Variants in SHROOM4 observed in about 807,000 individuals in gnomAD.
The protein encoded by SHROOM4 is shroom family member 4.
SHROOM4 carries 17 observed loss-of-function variants against 80.3 expected under a neutral mutation model. The ratio of observed to expected loss-of-function variants is 0.21; its 90% CI spans 0.14 to 0.32. SHROOM4 has a LOEUF of 0.32. Among genes scored for constraint, SHROOM4 ranks in the 10% least tolerant of loss-of-function variants. The probability of loss-of-function intolerance (pLI) is 1.00; values close to 1 mark genes in which losing one functional copy is unlikely to be tolerated. For missense variants in SHROOM4, 993 were observed against 1,140.3 expected, an observed-to-expected ratio of 0.87 and a Z score of 1.86; for synonymous variants, 400 against 437.5, an observed-to-expected ratio of 0.91 and a Z score of 1.07.
chrX:50,652,178 A>G (rs1465046377), intron 2 of SHROOM4, among the ~76,000 whole-genome samples: 7 of 111,960 alleles, frequency 6.3e-5, no homozygotes, highest in East Asian at 2.8e-4. Flanking sequence ...ACAATGGTTC[A>G]ACTAATTTAC....
chrX:50,759,100 G>A (rs1487965867), intron 1 of SHROOM4, among the ~76,000 whole-genome samples: 1 of 111,690 alleles, frequency 9.0e-6, no homozygotes, highest in Non-Finnish European at 1.9e-5. Flanking sequence ...TCCAAACTTC[G>A]TAGGTTGAAG....
At chrX:50,813,192 G>GCAGCAGCAA (rs1936385243) in intron 1 of SHROOM4, among the ~76,000 whole-genome samples, 2 of 110,860 alleles carry the variant, frequency 1.8e-5, no homozygotes, top group Non-Finnish European at 3.8e-5. Context: ...GGCGGCAGCG[G>GCAGCAGCAA]CAGCAGCAAC....
chrX:50,798,686 T>C (rs1240285991), intron 1 of SHROOM4, among the ~76,000 whole-genome samples: 1 of 111,509 alleles, frequency 9.0e-6, no homozygotes, highest in Non-Finnish European at 1.9e-5. Context: ...ATAGGAATAC[T>C]ACTACTTAAT....
intron 2 of SHROOM4, among the ~76,000 whole-genome samples, chrX:50,667,328 G>A (rs1232294140): frequency 1.8e-5 from 2 of 111,680 alleles, no homozygotes; most frequent in African/African-American, 6.5e-5. Context: ...GGTACTTAAG[G>A]TTTGCTTCAT....
At chrX:50,576,274 G>A in the SHROOM4 span, among the ~76,000 whole-genome samples, 1 of 111,831 alleles carries the variant, frequency 8.9e-6, no homozygotes, top group Non-Finnish European at 1.9e-5. Flanking sequence ...CAACTGATCT[G>A]GAGAAGGCAT....
chrX:50,760,097 A>C (rs565872756), intron 1 of SHROOM4, among the ~76,000 whole-genome samples: 6 of 110,795 alleles, frequency 5.4e-5, no homozygotes, highest in Non-Finnish European at 1.1e-4. Context: ...GTGTTGTTCA[A>C]GTCCTCTATT....
At chrX:50,614,270 A>T (rs374567742) in intron 5 of SHROOM4, among the ~76,000 whole-genome samples, 1 of 112,603 alleles carries the variant, frequency 8.9e-6, no homozygotes, top group Admixed American at 9.4e-5. Context: ...AAAAGTAATA[A>T]GGGAAAGTTT....
intron 1 of SHROOM4, among the ~76,000 whole-genome samples, chrX:50,740,398 GATAAAACA>G: frequency 9.0e-6 from 1 of 111,553 alleles, no homozygotes; most frequent in African/African-American, 3.3e-5. Flanking sequence ...CAATTGGGAA[GATAAAACA>G]ATTACATGAA....
At position 50,795,547 on chromosome X, in the gene SHROOM4, T is replaced by C. The variant is rs182945083; in HGVS notation, c.117+18355A>G. Among the ~76,000 whole-genome samples the C allele has an allele frequency of 5.1e-3, 563 of 111,270 alleles. 7 individuals are homozygous for C. The highest frequency in any genetic ancestry group is 0.018 in the African/African-American group (551 of 30,590). Reference sequence around the variant, plus strand: ...GCACCAGATGGAAGATGGGGTAGAATGGGACCAGAAGGAAGGGTAATTTCT... The same window carrying C: ...GCACCAGATGGAAGATGGGGTAGAACGGGACCAGAAGGAAGGGTAATTTCT... On this transcript the variant is annotated intron_variant, in intron 1 of 8. Transcript: ENST00000376020.
intron 1 of SHROOM4, among the ~76,000 whole-genome samples, chrX:50,766,323 G>A (rs1381346843): frequency 1.8e-5 from 2 of 110,468 alleles, no homozygotes; most frequent in Non-Finnish European, 3.8e-5. Context: ...TCCCTCTTCA[G>A]AGAAAGAGGG....
chrX:50,760,049 G>A lies in SHROOM4; in HGVS notation c.117+53853C>T, dbSNP rs977715875. 2.7e-5 allele frequency among the ~76,000 whole-genome samples: 3 copies of A among 111,303 alleles called. No homozygotes were observed. The Admixed American group carries it at 2.9e-4, about 11-fold the overall frequency. The stretch of plus-strand genomic sequence containing the variant: ...GTATATTCTTCTGTGGTTGGGTGGA[G>A]TGGTCTGCAAATATCTGTTAGGTCT... On this transcript the variant is annotated intron_variant, in intron 1 of 8. Coordinates refer to ENST00000376020, the MANE Select transcript of SHROOM4 (RefSeq NM_020717.5).
At position 50,638,328 on chromosome X, in the gene SHROOM4, G is replaced by C; in HGVS notation, c.270-20C>G. 1 of 1,211,534 alleles carries C rather than the reference G, an allele frequency of 8.3e-7. No individual in the cohort carries two copies. The highest frequency in any genetic ancestry group is 1.1e-6 in the Non-Finnish European group (1 of 895,236). ...TTCCTCCTACAGCAAGAAAGGGACAGGAAGTGGGCTGAAGGAACCAGAGCT... is the reference window on the plus strand; with the variant it reads ...TTCCTCCTACAGCAAGAAAGGGACACGAAGTGGGCTGAAGGAACCAGAGCT... On this transcript the variant is annotated intron_variant, in intron 2 of 8. Coordinates refer to ENST00000376020, the MANE Select transcript of SHROOM4 (RefSeq NM_020717.5).
rs139979035 is a variant in SHROOM4, at chrX:50,790,765, C to T, written c.117+23137G>A. Among the ~76,000 whole-genome samples the T allele has an allele frequency of 4.2e-3, 466 of 111,485 alleles. 3 individuals carry two copies. The highest frequency in any genetic ancestry group is 0.014 in the African/African-American group (432 of 30,696). On this transcript the variant is annotated intron_variant, in intron 1 of 8. Coordinates refer to ENST00000376020, the MANE Select transcript of SHROOM4 (RefSeq NM_020717.5). ...ACAGCCTTTCATAAAAAGCTCTCAA[C>T]AAACTAGAAATAGAATGAAATTACC...
chrX:50,785,695 G>T (rs1242860011), intron 1 of SHROOM4, among the ~76,000 whole-genome samples: 2 of 111,326 alleles, frequency 1.8e-5, no homozygotes, highest in African/African-American at 6.5e-5. Flanking sequence ...GGGGCACAAG[G>T]AAACTTTTGG....
intron 2 of SHROOM4, among the ~76,000 whole-genome samples, chrX:50,642,611 T>G (rs1430221678): frequency 9.0e-6 from 1 of 111,094 alleles, no homozygotes; most frequent in East Asian, 2.8e-4. Context: ...TACAGGTGCA[T>G]GCTACCGTGC....
At chrX:50,661,967 T>C (rs947248807) in intron 2 of SHROOM4, among the ~76,000 whole-genome samples, 23 of 110,871 alleles carry the variant, frequency 2.1e-4, no homozygotes, top group African/African-American at 7.2e-4. Context: ...TCTAGGTTAG[T>C]GGTTCTCAAA....
intron 4 of SHROOM4, among the ~76,000 whole-genome samples, chrX:50,628,104 G>C (rs1300581363): frequency 8.9e-6 from 1 of 111,837 alleles, no homozygotes; most frequent in Non-Finnish European, 1.9e-5. Context: ...TGGAAGCCCT[G>C]ACCCTTGAGG....
intron 5 of SHROOM4, among the ~76,000 whole-genome samples, chrX:50,626,318 G>A (rs1184396529): frequency 8.9e-6 from 1 of 111,914 alleles, no homozygotes; most frequent in Admixed American, 9.4e-5. Flanking sequence ...TAGTTACCAC[G>A]TGCTGCCCCC....
chrX:50,628,062 TC>T (rs1930880952), intron 4 of SHROOM4, among the ~76,000 whole-genome samples: 1 of 112,218 alleles, frequency 8.9e-6, no homozygotes, highest in Non-Finnish European at 1.9e-5. Flanking sequence ...TGCTCATTCC[TC>T]CTGCCTCTTC....
Sources: allele counts gnomAD v4.1 joint callset (sites outside exome capture counted in the v4.1 genomes callset), GRCh38; gene constraint gnomAD v4.1.1; transcripts MANE v1.5; gene names NCBI Gene and HGNC (gene_info 2026-07-23, HGNC 2026-07-21).